Variants in MLLT3 observed in about 807,000 individuals in gnomAD.
The protein encoded by MLLT3 is protein AF-9.
A neutral mutation model predicts 53.2 loss-of-function variants in MLLT3; 4 were observed. The ratio of observed to expected loss-of-function variants is 0.08; its 90% CI spans 0.04 to 0.17. The LOEUF (loss-of-function observed/expected upper bound fraction) is 0.17, where lower values mean the gene tolerates loss of function less well. Among genes scored for constraint, MLLT3 ranks in the 10% least tolerant of loss-of-function variants. The pLI, the probability that MLLT3 is intolerant of heterozygous loss-of-function variation, is 1.00. For missense variants in MLLT3, 569 were observed against 684.0 expected, an observed-to-expected ratio of 0.83 and a Z score of 1.87; for synonymous variants, 283 against 230.6, an observed-to-expected ratio of 1.23 and a Z score of -2.06.
intron 2 of MLLT3, among the ~76,000 whole-genome samples, chr9:20,560,650 T>A (rs1314344847): frequency 6.6e-6 from 1 of 152,212 alleles, no homozygotes; most frequent in East Asian, 1.9e-4. Flanking sequence ...CCTCAGGGAA[T>A]AACATTTCAT....
chr9:20,552,486 T>C (rs1295502646), intron 2 of MLLT3, among the ~76,000 whole-genome samples: 1 of 152,160 alleles, frequency 6.6e-6, no homozygotes, highest in African/African-American at 2.4e-5. Context: ...AGACTCTAGC[T>C]GCTAGAACAT....
intron 10 of MLLT3, among the ~76,000 whole-genome samples, chr9:20,349,205 A>C (rs1438037471): frequency 6.6e-6 from 1 of 152,234 alleles, no homozygotes; most frequent in Non-Finnish European, 1.5e-5. Flanking sequence ...TAGACAGAAC[A>C]TCATAACCTT....
At chr9:20,430,432 C>G (rs1338462922) in intron 4 of MLLT3, among the ~76,000 whole-genome samples, 1 of 152,022 alleles carries the variant, frequency 6.6e-6, no homozygotes, top group Non-Finnish European at 1.5e-5. Flanking sequence ...ACAAACTGAT[C>G]AATGGAACAG....
rs143414732 is a variant in MLLT3, at chr9:20,585,324, A to G, written c.193+35330T>C. On this transcript the variant is annotated intron_variant, in intron 2 of 10. Coordinates refer to ENST00000380338, the MANE Select transcript of MLLT3 (RefSeq NM_004529.4). ...TACACAACATCCTGTCCCTTCTTAT[A>G]AAGACACTAATTCCATCAGATCAGG... is the stretch of plus-strand genomic sequence containing the variant. Among the ~76,000 whole-genome samples, 8 of 152,278 alleles carry G rather than the reference A, an allele frequency of 5.3e-5. No individual in the cohort carries two copies. The East Asian group carries it at 1.5e-3, about 29-fold the overall frequency.
intron 2 of MLLT3, among the ~76,000 whole-genome samples, chr9:20,595,996 CAT>C (rs1820251649): frequency 6.6e-6 from 1 of 152,184 alleles, no homozygotes; most frequent in African/African-American, 2.4e-5. Context: ...TTAAAAGCCA[CAT>C]ATGTCTAGTG....
chr9:20,592,497 A>G (rs1820154286), intron 2 of MLLT3, among the ~76,000 whole-genome samples: 1 of 152,018 alleles, frequency 6.6e-6, no homozygotes, highest in Admixed American at 6.6e-5. Flanking sequence ...CTCTTCTTAT[A>G]AGGACACAAG....
chr9:20,473,167 C>T (rs1824437072), intron 2 of MLLT3, among the ~76,000 whole-genome samples: 1 of 152,112 alleles, frequency 6.6e-6, no homozygotes, highest in East Asian at 1.9e-4. Context: ...CTCATATACT[C>T]ACGTAGTCAA....
At chr9:20,467,493 G>A (rs1449636088) in intron 2 of MLLT3, among the ~76,000 whole-genome samples, 1 of 152,190 alleles carries the variant, frequency 6.6e-6, no homozygotes, top group Non-Finnish European at 1.5e-5. Context: ...CAGGAGAATC[G>A]CTTGAACTCG....
At chr9:20,457,568 A>G (rs990332917) in intron 2 of MLLT3, among the ~76,000 whole-genome samples, 1 of 152,020 alleles carries the variant, frequency 6.6e-6, no homozygotes, top group Non-Finnish European at 1.5e-5. Context: ...CCTGACTTCT[A>G]TGCCATCCTC....
Position 20,343,644 on chromosome 9 carries a change from A to T in MLLT3, c.*2799T>A, listed in dbSNP as rs1820795877. 8.8e-6 allele frequency: 2 copies of T among 227,388 alleles called. No individual in the cohort carries two copies. The highest frequency in any genetic ancestry group is 5.7e-5 in the Admixed American group (1 of 17,574). 14.1% of individuals were successfully genotyped at this position (227,388 alleles called of 1,614,324 possible). On this transcript the variant is annotated 3_prime_UTR_variant, in exon 11 of 11. Coordinates refer to ENST00000380338, the MANE Select transcript of MLLT3 (RefSeq NM_004529.4). Reference sequence around the variant, plus strand: ...TCCCCTGGCTGATCACTGAGGAAAAATTTTTTAAAAGTTTATCATACTCTG... The same window carrying T: ...TCCCCTGGCTGATCACTGAGGAAAATTTTTTTAAAAGTTTATCATACTCTG...
chr9:20,479,025 A>G (rs1007928145), intron 2 of MLLT3, among the ~76,000 whole-genome samples: 6 of 152,094 alleles, frequency 3.9e-5, no homozygotes, highest in African/African-American at 1.4e-4. Flanking sequence ...GCTCTCAATT[A>G]AAGAGATCTT....
At chr9:20,613,289 G>A (rs1820745140) in intron 2 of MLLT3, among the ~76,000 whole-genome samples, 2 of 152,050 alleles carry the variant, frequency 1.3e-5, no homozygotes, top group African/African-American at 4.8e-5. Flanking sequence ...TTTTGCATGT[G>A]AATTATATCT....
At chr9:20,485,606 G>A (rs184333209) in intron 2 of MLLT3, among the ~76,000 whole-genome samples, 3 of 152,154 alleles carry the variant, frequency 2.0e-5, no homozygotes, top group African/African-American at 7.2e-5. Context: ...ATAATATAAT[G>A]CAGACACTAA....
At position 20,447,708 on chromosome 9, in the gene MLLT3, A is replaced by T. The variant is rs534530834; in HGVS notation, c.420+415T>A. ...AGTATGAGTGAAGATACCTTTTTTA[A>T]TAATTGTGATCAAGAAAATTTGGAT... On this transcript the variant is annotated intron_variant, in intron 4 of 10. Transcript: ENST00000380338. Among the ~76,000 whole-genome samples the T allele has an allele frequency of 4.6e-3, 700 of 152,304 alleles. 4 individuals carry two copies. The highest frequency in any genetic ancestry group is 0.016 in the African/African-American group (669 of 41,572).
At chr9:20,483,698 C>CTTTTT (rs10538657) in intron 2 of MLLT3, among the ~76,000 whole-genome samples, 1 of 68,942 alleles carries the variant, frequency 1.5e-5, no homozygotes, top group African/African-American at 6.2e-5. Context: ...CAGTAAAACT[C>CTTTTT]TTTTTTTTTT....
At chr9:20,420,088 C>A (rs932431545) in intron 4 of MLLT3, among the ~76,000 whole-genome samples, 5 of 148,526 alleles carry the variant, frequency 3.4e-5, no homozygotes, top group African/African-American at 1.3e-4. Flanking sequence ...GGATTATGAG[C>A]AATTAGAAAG....
chr9:20,572,200 G>T (rs990047119), intron 2 of MLLT3, among the ~76,000 whole-genome samples: 3 of 152,254 alleles, frequency 2.0e-5, no homozygotes, highest in Admixed American at 6.5e-5. Context: ...GGTTACCAGG[G>T]GCAGGGACAG....
intron 2 of MLLT3, among the ~76,000 whole-genome samples, chr9:20,604,425 A>G (rs1322647177): frequency 6.6e-6 from 1 of 152,042 alleles, no homozygotes; most frequent in African/African-American, 2.4e-5. Flanking sequence ...CTAACTTTAA[A>G]CAGTCTAAGC....
chr9:20,527,746 G>A (rs1182907941), intron 2 of MLLT3, among the ~76,000 whole-genome samples: 2 of 152,164 alleles, frequency 1.3e-5, no homozygotes, highest in Non-Finnish European at 2.9e-5. Context: ...CTTATATAAT[G>A]CATTTCAAAA....
Sources: allele counts gnomAD v4.1 joint callset (sites outside exome capture counted in the v4.1 genomes callset), GRCh38; gene constraint gnomAD v4.1.1; transcripts MANE v1.5; gene names NCBI Gene and HGNC (gene_info 2026-07-23, HGNC 2026-07-21).